The following LRRC56 variants were observed in gnomAD, a reference collection of about 807,000 sequenced individuals.
LRRC56 encodes the protein leucine-rich repeat-containing protein 56.
Under a neutral mutation model 47.8 loss-of-function variants are expected in LRRC56, and 41 were observed. That is an observed-to-expected ratio of 0.86 (90% CI 0.67 to 1.11). The LOEUF (loss-of-function observed/expected upper bound fraction) is 1.11. LRRC56 is among the 50% of genes most tolerant of loss of function. LRRC56 has a pLI of 0.00. For synonymous variants in LRRC56, 387 were observed against 311.2 expected, an observed-to-expected ratio of 1.24 and a Z score of -2.56; for missense variants, 759 against 704.2, an observed-to-expected ratio of 1.08 and a Z score of -0.88.
At chr11:547,960 T>G (rs1446118545) in intron 6 of LRRC56, among the ~76,000 whole-genome samples, 10 of 151,926 alleles carry the variant, frequency 6.6e-5, no homozygotes, top group Admixed American at 6.6e-4. Flanking sequence ...ACCCCGTATC[T>G]ACTAAAAATA....
intron 8 of LRRC56, 66 bp downstream of exon 8, chr11:550,338 CG>C: frequency 7.0e-7 from 1 of 1,432,796 alleles, no homozygotes; most frequent in Non-Finnish European, 9.2e-7. Flanking sequence ...GCTCCAGCCC[CG>C]GGGCCCCTCC....
intron 9 of LRRC56, 104 bp downstream of exon 9, chr11:551,406 C>T (rs1267644082): frequency 1.2e-6 from 1 of 824,564 alleles, no homozygotes; most frequent in Non-Finnish European, 1.9e-6. Flanking sequence ...ATCTCATGCG[C>T]TTCTCCAGCC....
intron 5 of LRRC56, among the ~76,000 whole-genome samples, chr11:542,506 G>A (rs1452395157): frequency 6.6e-6 from 1 of 150,396 alleles, no homozygotes; most frequent in African/African-American, 2.5e-5. Context: ...CATAGGAGGT[G>A]GGGAGGTCAA....
intron 13 of LRRC56, 100 bp from the exon 14 acceptor site, chr11:553,863 C>T: frequency 3.8e-6 from 4 of 1,051,648 alleles, no homozygotes; most frequent in Non-Finnish European, 5.6e-6. Flanking sequence ...GGACCACTGC[C>T]TCGGGGCTGC....
At chr11:517,563 G>A in the LRRC56 span, among the ~76,000 whole-genome samples, 16 of 147,118 alleles carry the variant, frequency 1.1e-4, no homozygotes, top group Non-Finnish European at 1.5e-4. Context: ...CTGCCCGGCC[G>A]TCCCATCTGG....
chr11:534,895 C>G (rs375973568), upstream of LRRC56, among the ~76,000 whole-genome samples: 3 of 152,338 alleles, frequency 2.0e-5, no homozygotes, highest in East Asian at 5.8e-4. Context: ...CGGCGGGGAA[C>G]CGGGGGCATC....
At chr11:535,786 G>C (rs1020106609), upstream of LRRC56, among the ~76,000 whole-genome samples, 1 of 152,100 alleles carries the variant, frequency 6.6e-6, no homozygotes, top group Admixed American at 6.5e-5. Flanking sequence ...AGCCGAGCTC[G>C]GGGTTGCTCG....
chr11:518,756 G>C, the LRRC56 span, among the ~76,000 whole-genome samples: 1 of 152,142 alleles, frequency 6.6e-6, no homozygotes, highest in Admixed American at 6.6e-5. Flanking sequence ...AGCCGGCCCC[G>C]GGCTGCCCAC....
At chr11:527,326 T>C in the LRRC56 span, among the ~76,000 whole-genome samples, 1 of 152,112 alleles carries the variant, frequency 6.6e-6, no homozygotes, top group African/African-American at 2.4e-5. Flanking sequence ...ACGTGCCGTG[T>C]GGCACTGTGC....
intron 6 of LRRC56, among the ~76,000 whole-genome samples, chr11:546,440 C>T (rs4400844): frequency 0.2 from 29,791 of 151,388 alleles, 3,396 homozygotes; most frequent in African/African-American, 0.32. Context: ...TGGTGGTGGG[C>T]GCCTGTAGTC....
chr11:552,135 C>G lies in LRRC56; in HGVS notation c.1084C>G (p.Pro362Ala). Residue 362 changes from proline (P) to alanine (A), a missense_variant, in exon 12 of 14, where the codon CCG (proline) becomes GCG (alanine). Coordinates refer to ENST00000270115, the MANE Select transcript of LRRC56 (RefSeq NM_198075.4). ...EQLPQHRPGD[P>A]AASTSTPEPD... ...GCTGCCCCAACACAGGCCAGGAGATCCGGCCGCCAGCACTTCCACCCCAGA... is the reference window on the plus strand; with the variant it reads ...GCTGCCCCAACACAGGCCAGGAGATGCGGCCGCCAGCACTTCCACCCCAGA... 2 of 1,612,646 alleles carry G rather than the reference C, an allele frequency of 1.2e-6. No homozygotes were observed. Among genetic ancestry groups the G allele is most frequent in the East Asian group, 2.2e-5 (1 of 44,886 alleles).
In LRRC56 at chr11:554,000, A is replaced by T; in HGVS notation, c.1353A>T (p.Ser451=). The T allele has an allele frequency of 1.9e-6, 3 of 1,611,564 alleles. No individual in the cohort carries two copies. In the South Asian group the frequency reaches 3.3e-5, roughly 18 times the overall value. ...SGTSSQHLVP[S]PPKHPRPRDS... is the part of the protein sequence containing the mutation. ...CCTCGAGCCAGCACCTGGTCCCTTCACCTCCCAAGCACCCAAGGCCACGAG... is the reference window on the plus strand; with the variant it reads ...CCTCGAGCCAGCACCTGGTCCCTTCTCCTCCCAAGCACCCAAGGCCACGAG... The change falls in exon 14 of 14, where the codon TCA becomes TCT. Residue 451 remains serine, a synonymous_variant. Transcript: ENST00000270115.
chr11:535,250 C>T (rs1851400024), upstream of LRRC56: 1 of 148,604 alleles, frequency 6.7e-6, no homozygotes, highest in Admixed American at 6.7e-5. Context: ...CCCCGACGCC[C>T]GCTCACCTGT....
the LRRC56 span, among the ~76,000 whole-genome samples, chr11:521,742 G>A: frequency 3.0e-3 from 464 of 152,228 alleles, 3 homozygotes; most frequent in African/African-American, 0.01. Flanking sequence ...ATGAAACCCC[G>A]TCTCTACTAA....
the LRRC56 span, among the ~76,000 whole-genome samples, chr11:520,765 G>C: frequency 6.6e-6 from 1 of 152,238 alleles, no homozygotes; most frequent in Admixed American, 6.5e-5. Context: ...TGCCGCCTGA[G>C]TTCTGTCTCC....
At chr11:549,293 C>T (rs553245577) in intron 6 of LRRC56, among the ~76,000 whole-genome samples, 70 of 152,264 alleles carry the variant, frequency 4.6e-4, no homozygotes, top group Non-Finnish European at 7.5e-4. Flanking sequence ...GAAGGGACGG[C>T]CTCCCAGCCG....
the LRRC56 span, among the ~76,000 whole-genome samples, chr11:518,854 GAGGCC>G: frequency 1.3e-5 from 2 of 151,950 alleles, no homozygotes; most frequent in Non-Finnish European, 2.9e-5. Flanking sequence ...ACGCGCGAGC[GAGGCC>G]GGGACTCGGG....
the LRRC56 span, among the ~76,000 whole-genome samples, chr11:515,608 C>T: frequency 3.3e-5 from 5 of 152,140 alleles, no homozygotes; most frequent in Non-Finnish European, 7.4e-5. Flanking sequence ...GAGGCCAAGG[C>T]GGGTGGATCA....
the LRRC56 span, among the ~76,000 whole-genome samples, chr11:508,055 C>G: frequency 6.6e-6 from 1 of 152,232 alleles, no homozygotes; most frequent in Non-Finnish European, 1.5e-5. Context: ...TTTGACTAGT[C>G]CGCAATTCAC....
Sources: allele counts gnomAD v4.1 joint callset (sites outside exome capture counted in the v4.1 genomes callset), GRCh38; gene constraint gnomAD v4.1.1; transcripts MANE v1.5; gene names NCBI Gene and HGNC (gene_info 2026-07-23, HGNC 2026-07-21).